Variants in CDH18 observed in about 807,000 individuals in gnomAD.
The protein encoded by CDH18 is cadherin 18.
CDH18 carries 31 observed loss-of-function variants against 67.9 expected under a neutral mutation model. That is an observed-to-expected ratio of 0.46 (90% CI 0.34 to 0.62). The LOEUF (loss-of-function observed/expected upper bound fraction) is 0.62, where lower values mean the gene tolerates loss of function less well. Among genes scored for constraint, CDH18 ranks in the 20% least tolerant of loss-of-function variants. The pLI is 0.01. For synonymous variants in CDH18, 362 were observed against 347.2 expected (o/e 1.04, Z -0.48); for missense variants, 890 against 975.5 (o/e 0.91, Z 1.17).
chr5:20,309,997 GTTT>G (rs1385292389), intron 1 of CDH18, among the ~76,000 whole-genome samples: 1 of 151,944 alleles, frequency 6.6e-6, no homozygotes, highest in African/African-American at 2.4e-5. Flanking sequence ...CTCACTAATA[GTTT>G]TTTTCACTGT....
intron 2 of CDH18, among the ~76,000 whole-genome samples, chr5:20,120,722 CT>C (rs1207264927): frequency 4.6e-5 from 7 of 152,032 alleles, no homozygotes; most frequent in African/African-American, 1.7e-4. Flanking sequence ...ATTAATGTGT[CT>C]TAAATTGTTT....
At chr5:20,465,306 A>C (rs1751561674) in intron 1 of CDH18, among the ~76,000 whole-genome samples, 1 of 152,088 alleles carries the variant, frequency 6.6e-6, no homozygotes, top group African/African-American at 2.4e-5. Context: ...AAGCACTAAC[A>C]GCTGCTAATA....
Position 19,828,960 on chromosome 5 carries a change from C to T in CDH18, c.228+9799G>A, listed in dbSNP as rs111678032. Reference sequence around the variant, plus strand: ...GGCTGAGACAGAAGAATCGCTTGAACCCAGGAGACGGAATTTGCAGTGAGC... The same window carrying T: ...GGCTGAGACAGAAGAATCGCTTGAATCCAGGAGACGGAATTTGCAGTGAGC... On this transcript the variant is annotated intron_variant, in intron 3 of 12. Transcript: ENST00000382275. Among the ~76,000 whole-genome samples the T allele has an allele frequency of 3.2e-3, 484 of 152,242 alleles. 2 individuals are homozygous for T. The highest frequency in any genetic ancestry group is 9.4e-3 in the African/African-American group (392 of 41,534).
chr5:20,534,478 A>C (rs185915512), intron 1 of CDH18, among the ~76,000 whole-genome samples: 1 of 152,084 alleles, frequency 6.6e-6, no homozygotes, highest in African/African-American at 2.4e-5. Context: ...AACAGAATAC[A>C]ATTGTCTTTG....
chr5:20,512,033 C>T lies in CDH18; in HGVS notation c.-580+63429G>A, dbSNP rs1482543801. Among the ~76,000 whole-genome samples the T allele has an allele frequency of 2.0e-5, 3 of 152,064 alleles. No individual in the cohort carries two copies. The East Asian group carries it at 5.8e-4, about 29-fold the overall frequency. ...GTCAGGAGTTCAAGACCAGTCTGGCCAACATAGTGAAACCCCATCTCTACT... is the reference window on the plus strand; with the variant it reads ...GTCAGGAGTTCAAGACCAGTCTGGCTAACATAGTGAAACCCCATCTCTACT... On this transcript the variant is annotated intron_variant, in intron 1 of 14. Transcript: ENST00000507958.
chr5:19,549,741 G>C (rs1737029917), intron 8 of CDH18, among the ~76,000 whole-genome samples: 1 of 126,124 alleles, frequency 7.9e-6, no homozygotes, highest in Non-Finnish European at 1.6e-5. Flanking sequence ...AAGAGAAAGA[G>C]AGAAAAGAAA....
intron 2 of CDH18, among the ~76,000 whole-genome samples, chr5:19,884,637 C>G (rs1432909174): frequency 6.6e-6 from 1 of 151,668 alleles, no homozygotes; most frequent in South Asian, 2.1e-4. Context: ...ATACTTATGA[C>G]AACTCTGTGT....
intron 1 of CDH18, among the ~76,000 whole-genome samples, chr5:20,393,305 C>T (rs1440704406): frequency 7.2e-5 from 11 of 151,912 alleles, no homozygotes; most frequent in African/African-American, 2.4e-4. Context: ...TATTTATACA[C>T]ATTTGTATCA....
chr5:19,925,340 G>A (rs1372093272), intron 2 of CDH18, among the ~76,000 whole-genome samples: 1 of 152,126 alleles, frequency 6.6e-6, no homozygotes, highest in Non-Finnish European at 1.5e-5. Flanking sequence ...CACTCCCTGT[G>A]GGTCTTCTGG....
chr5:19,526,135 C>A (rs1225389737), intron 9 of CDH18, among the ~76,000 whole-genome samples: 2 of 151,920 alleles, frequency 1.3e-5, no homozygotes, highest in African/African-American at 4.8e-5. Context: ...TTTAACTTGC[C>A]AAGTTGTGTT....
At chr5:20,229,543 T>C (rs1430157544) in intron 2 of CDH18, among the ~76,000 whole-genome samples, 2 of 152,158 alleles carry the variant, frequency 1.3e-5, no homozygotes, top group African/African-American at 4.8e-5. Context: ...ATTAAAAATA[T>C]GCTTTGTCCA....
At chr5:19,579,075 T>G (rs1446365507) in intron 7 of CDH18, among the ~76,000 whole-genome samples, 1 of 152,016 alleles carries the variant, frequency 6.6e-6, no homozygotes, top group Admixed American at 6.6e-5. Context: ...AATGATTTAT[T>G]AAATCTATCA....
chr5:19,505,672 T>A (rs371659), intron 10 of CDH18, among the ~76,000 whole-genome samples: 15,403 of 152,084 alleles, frequency 0.1, 1,274 homozygotes, highest in African/African-American at 0.23. Flanking sequence ...TGAAGCTCAC[T>A]TGATCATGGT....
chr5:20,050,301 C>T (rs1161638702), intron 2 of CDH18, among the ~76,000 whole-genome samples: 1 of 151,686 alleles, frequency 6.6e-6, no homozygotes, highest in East Asian at 1.9e-4. Context: ...TATGCTGTAG[C>T]CAAATAGATG....
At chr5:20,230,601 C>T (rs2126498280) in intron 2 of CDH18, among the ~76,000 whole-genome samples, 1 of 152,120 alleles carries the variant, frequency 6.6e-6, no homozygotes, top group East Asian at 1.9e-4. Flanking sequence ...TTTTCTTACC[C>T]ATCACATACA....
chr5:19,754,710 A>G (rs1434619234), intron 3 of CDH18, among the ~76,000 whole-genome samples: 9 of 152,168 alleles, frequency 5.9e-5, no homozygotes, highest in Non-Finnish European at 1.0e-4. Context: ...CAATATACAC[A>G]TTCTATTCAA....
chr5:20,091,034 A>C (rs1200385076), intron 2 of CDH18, among the ~76,000 whole-genome samples: 1 of 151,744 alleles, frequency 6.6e-6, no homozygotes, highest in Non-Finnish European at 1.5e-5. Flanking sequence ...TGGGTGACAG[A>C]ATGAGAACCT....
chr5:19,935,458 CTGGATACACCAATACCAT>C (rs966287418), intron 2 of CDH18, among the ~76,000 whole-genome samples: 2 of 151,186 alleles, frequency 1.3e-5, no homozygotes, highest in Non-Finnish European at 3.0e-5. Context: ...TTTGATACTT[CTGGATACACCAATACCAT>C]TGTATAGCAA....
chr5:20,501,604 A>ATAT (rs1554010584), intron 1 of CDH18, among the ~76,000 whole-genome samples: 1 of 90,302 alleles, frequency 1.1e-5, no homozygotes, highest in Admixed American at 1.4e-4. Context: ...TTATATATAT[A>ATAT]TATATATATA....
Sources: gnomAD v4.1 joint callset for allele counts (sites outside exome capture counted in the v4.1 genomes callset) on GRCh38, gnomAD v4.1.1 for gene constraint, MANE v1.5 for transcripts, NCBI Gene and HGNC (gene_info 2026-07-23, HGNC 2026-07-21) for gene names.